Variants in PTPRT observed in about 807,000 individuals in gnomAD.
The protein encoded by PTPRT is protein tyrosine phosphatase receptor type T.
Under a neutral mutation model 176.8 loss-of-function variants are expected in PTPRT, and 56 were observed. The ratio of observed to expected loss-of-function variants is 0.32; its 90% CI spans 0.26 to 0.40. The LOEUF (loss-of-function observed/expected upper bound fraction) is 0.40, where lower values mean the gene tolerates loss of function less well. Among genes scored for constraint, PTPRT ranks in the 10% least tolerant of loss-of-function variants. The pLI is 1.00. For synonymous variants in PTPRT, 783 were observed against 739.0 expected (o/e 1.06, Z -0.96); for missense variants, 1,540 against 1,908.2 (o/e 0.81, Z 3.60).
At chr20:42,533,940 C>T (rs2072429601) in intron 7 of PTPRT, among the ~76,000 whole-genome samples, 1 of 152,190 alleles carries the variant, frequency 6.6e-6, no homozygotes, top group Admixed American at 6.5e-5. Flanking sequence ...CATTCTCATA[C>T]ACGCTACCAC....
intron 1 of PTPRT, among the ~76,000 whole-genome samples, chr20:43,042,865 C>A (rs1407704033): frequency 6.6e-6 from 1 of 152,108 alleles, no homozygotes; most frequent in Non-Finnish European, 1.5e-5. Flanking sequence ...CTCAGATCAT[C>A]TCAACTGTGG....
chr20:42,288,586 A>G (rs538537542), intron 12 of PTPRT, among the ~76,000 whole-genome samples: 3 of 152,090 alleles, frequency 2.0e-5, no homozygotes, highest in Non-Finnish European at 4.4e-5. Flanking sequence ...CCCAATGTTT[A>G]GCTCTCACTT....
At chr20:43,011,200 C>T (rs1430558909) in intron 1 of PTPRT, among the ~76,000 whole-genome samples, 1 of 152,084 alleles carries the variant, frequency 6.6e-6, no homozygotes, top group Non-Finnish European at 1.5e-5. Context: ...AAGCATTAGG[C>T]AGGCTACAGA....
intron 13 of PTPRT, among the ~76,000 whole-genome samples, chr20:42,271,499 G>A (rs567634124): frequency 3.3e-5 from 5 of 152,244 alleles, no homozygotes; most frequent in South Asian, 4.1e-4. Context: ...TCTTAAATCT[G>A]TAGTCTCCTT....
rs982153811 is a variant in PTPRT at position 42,770,277 on chromosome 20, C to T, written c.684+1158G>A. 2.0e-5 allele frequency among the ~76,000 whole-genome samples: 3 copies of T among 152,274 alleles called. No homozygotes were observed. In the East Asian group the frequency reaches 5.8e-4, roughly 29 times the overall value. ...AGCTGGGATTACAGGCACTCGCCACCACGCCCAGCTAATTTTTCTATAGAA... is the reference window on the plus strand; with the variant it reads ...AGCTGGGATTACAGGCACTCGCCACTACGCCCAGCTAATTTTTCTATAGAA... On this transcript the variant is annotated intron_variant, in intron 5 of 30. Coordinates refer to ENST00000373187, the MANE Select transcript of PTPRT (RefSeq NM_007050.6).
chr20:42,929,163 G>A (rs1445250243), intron 1 of PTPRT, among the ~76,000 whole-genome samples: 2 of 152,238 alleles, frequency 1.3e-5, no homozygotes, highest in African/African-American at 2.4e-5. Context: ...TTCTCTCCTA[G>A]GGAGATATTT....
At chr20:42,717,532 A>T (rs922748020) in intron 6 of PTPRT, among the ~76,000 whole-genome samples, 1 of 152,196 alleles carries the variant, frequency 6.6e-6, no homozygotes, top group African/African-American at 2.4e-5. Flanking sequence ...TGGATTACAT[A>T]GACCTATATT....
At chr20:42,939,257 G>A (rs571313876) in intron 1 of PTPRT, among the ~76,000 whole-genome samples, 1 of 152,310 alleles carries the variant, frequency 6.6e-6, no homozygotes, top group East Asian at 1.9e-4. Flanking sequence ...GGCCTTCCAG[G>A]CTAATCTGGG....
At chr20:42,886,115 A>C (rs1167144035) in intron 1 of PTPRT, among the ~76,000 whole-genome samples, 183 bp from the exon 2 acceptor site, 3 of 152,022 alleles carry the variant, frequency 2.0e-5, no homozygotes, top group African/African-American at 7.2e-5. Context: ...TGGTGCTCTC[A>C]GGAAAGGCAC....
At chr20:42,717,265 T>A (rs911412593) in intron 6 of PTPRT, among the ~76,000 whole-genome samples, 1 of 146,742 alleles carries the variant, frequency 6.8e-6, no homozygotes, top group African/African-American at 2.5e-5. Context: ...CATAAAGCTA[T>A]AACAATTAAG....
chr20:43,072,220 T>C (rs969789843), intron 1 of PTPRT, among the ~76,000 whole-genome samples: 30 of 152,198 alleles, frequency 2.0e-4, no homozygotes, highest in African/African-American at 7.0e-4. Flanking sequence ...CAAATTAATA[T>C]AATGGCCTTA....
At chr20:42,425,761 A>C (rs2059157714) in intron 9 of PTPRT, among the ~76,000 whole-genome samples, 1 of 152,190 alleles carries the variant, frequency 6.6e-6, no homozygotes, top group Non-Finnish European at 1.5e-5. Flanking sequence ...CACTTCAATA[A>C]AGCTGGGGTA....
At chr20:42,501,985 T>C (rs2071758075) in intron 7 of PTPRT, among the ~76,000 whole-genome samples, 2 of 152,142 alleles carry the variant, frequency 1.3e-5, no homozygotes, top group Admixed American at 6.6e-5. Flanking sequence ...AAAGAAATTA[T>C]ATTTTCTTTG....
At chr20:42,397,138 A>T (rs1212992376) in intron 9 of PTPRT, among the ~76,000 whole-genome samples, 1 of 152,150 alleles carries the variant, frequency 6.6e-6, no homozygotes, top group African/African-American at 2.4e-5. Flanking sequence ...TCCCACTGTC[A>T]TTTCAGTGCC....
At chr20:42,399,658 T>C (rs1231259802) in intron 9 of PTPRT, among the ~76,000 whole-genome samples, 1 of 152,184 alleles carries the variant, frequency 6.6e-6, no homozygotes, top group Non-Finnish European at 1.5e-5. Context: ...ACACAGGATA[T>C]CCTGAGGGCT....
At chr20:42,089,120 G>A (rs1013925902) in intron 27 of PTPRT, among the ~76,000 whole-genome samples, 2 of 152,128 alleles carry the variant, frequency 1.3e-5, no homozygotes, top group Non-Finnish European at 2.9e-5. Context: ...GAGTGTGTGT[G>A]TGTGTGTGTG....
At chr20:43,171,947 T>A (rs2015012028) in intron 1 of PTPRT, among the ~76,000 whole-genome samples, 1 of 152,154 alleles carries the variant, frequency 6.6e-6, no homozygotes, top group African/African-American at 2.4e-5. Flanking sequence ...CAGTCAGGAA[T>A]CAGAATGCAA....
intron 2 of PTPRT, among the ~76,000 whole-genome samples, chr20:42,864,131 C>T (rs745384381): frequency 6.6e-6 from 1 of 152,324 alleles, no homozygotes; most frequent in Admixed American, 6.5e-5. Context: ...CCTGTGTGGG[C>T]GTTTCTGCCC....
rs1187432683 is a variant in PTPRT, at chr20:42,142,014, G to GGACAGAGTGGTTA, written c.2683-25_2683-13dup. ...CCCTCTGGTAAGGCCTAAAAAGCAA[G>GGACAGAGTGGTTA]GACAGAGTGGTTAGAGTGGCCTGAG... On this transcript the variant is annotated splice_polypyrimidine_tract_variant and intron_variant, in intron 17 of 30. Coordinates refer to ENST00000373187, the MANE Select transcript of PTPRT (RefSeq NM_007050.6). 2.5e-6 allele frequency: 4 copies of GGACAGAGTGGTTA among 1,612,048 alleles called. No individual in the cohort carries two copies. The South Asian group carries it at 4.4e-5, about 18-fold the overall frequency.
Sources: gnomAD v4.1 joint callset for allele counts (sites outside exome capture counted in the v4.1 genomes callset) on GRCh38, gnomAD v4.1.1 for gene constraint, MANE v1.5 for transcripts, NCBI Gene and HGNC (gene_info 2026-07-23, HGNC 2026-07-21) for gene names.